CAMK1D: variants seen among roughly 807,000 people sequenced by gnomAD.
CAMK1D encodes the protein calcium/calmodulin-dependent protein kinase type 1D.
In CAMK1D, 9 loss-of-function variants were observed where a neutral mutation model predicts 47.7. The observed-to-expected ratio is 0.19, with a 90% CI of 0.11 to 0.33. The LOEUF is 0.33. Among genes scored for constraint, CAMK1D ranks in the 10% least tolerant of loss-of-function variants. CAMK1D has a pLI of 1.00. For missense variants in CAMK1D, 291 were observed against 488.7 expected, an observed-to-expected ratio of 0.60 and a Z score of 3.81; for synonymous variants, 184 against 184.9, an observed-to-expected ratio of 0.99 and a Z score of 0.04.
chr10:12,645,976 T>G (rs577919312), intron 2 of CAMK1D, among the ~76,000 whole-genome samples: 2 of 152,208 alleles, frequency 1.3e-5, no homozygotes, highest in East Asian at 3.9e-4. Context: ...AGTTGTTTTT[T>G]TTTTTTTTTT....
intron 1 of CAMK1D, among the ~76,000 whole-genome samples, chr10:12,517,899 T>G (rs1253713585): frequency 6.6e-6 from 1 of 152,230 alleles, no homozygotes; most frequent in Non-Finnish European, 1.5e-5. Flanking sequence ...ATCCTTGACT[T>G]ACAAAATGAG....
chr10:12,443,109 T>C (rs1374533543), intron 1 of CAMK1D, among the ~76,000 whole-genome samples: 1 of 152,132 alleles, frequency 6.6e-6, no homozygotes, highest in East Asian at 1.9e-4. Context: ...AGAAATATAT[T>C]TATCCATGTA....
At chr10:12,378,035 T>C (rs900856353) in intron 1 of CAMK1D, among the ~76,000 whole-genome samples, 1 of 152,218 alleles carries the variant, frequency 6.6e-6, no homozygotes, top group African/African-American at 2.4e-5. Flanking sequence ...ACCCCAGGCA[T>C]GCGGCCCAGC....
chr10:12,495,365 G>A (rs1283070860), intron 1 of CAMK1D, among the ~76,000 whole-genome samples: 2 of 152,342 alleles, frequency 1.3e-5, no homozygotes, highest in Admixed American at 1.3e-4. Context: ...AGCAATTGTA[G>A]TGAGTCTTTA....
At chr10:12,397,649 G>A (rs545729192) in intron 1 of CAMK1D, among the ~76,000 whole-genome samples, 7 of 152,290 alleles carry the variant, frequency 4.6e-5, no homozygotes, top group Non-Finnish European at 8.8e-5. Context: ...ACCAGGAAGC[G>A]CTCAGTGATG....
At position 12,610,369 on chromosome 10, in the gene CAMK1D, G is replaced by A. The variant is rs147649695; in HGVS notation, c.225-56367G>A. On this transcript the variant is annotated intron_variant, in intron 2 of 10. Transcript: ENST00000619168. ...CTGTCCTCTGCTGCATCTCAACGCC[G>A]AGATTTGTCCCTCCCCTCCTTTCTC... 8.5e-5 allele frequency among the ~76,000 whole-genome samples: 13 copies of A among 152,220 alleles called. No homozygotes were observed. In the East Asian group the frequency reaches 1.9e-3, roughly 23 times the overall value.
chr10:12,765,435 G>A (rs1186218837), intron 4 of CAMK1D, among the ~76,000 whole-genome samples: 1 of 152,162 alleles, frequency 6.6e-6, no homozygotes, highest in Non-Finnish European at 1.5e-5. Flanking sequence ...TGACCTGGCA[G>A]GATTCCTGCT....
intron 1 of CAMK1D, among the ~76,000 whole-genome samples, chr10:12,500,446 C>G (rs1834666999): frequency 6.6e-6 from 1 of 152,172 alleles, no homozygotes; most frequent in South Asian, 2.1e-4. Flanking sequence ...TTAATCTGCT[C>G]TGGTGGTGTC....
rs534722982 is a variant in CAMK1D at position 12,829,808 on chromosome 10, CCTT to C, written c.*924_*926del. The C allele has an allele frequency of 9.2e-5, 14 of 152,316 alleles. No homozygotes were observed. The East Asian group carries it at 2.1e-3, about 23-fold the overall frequency. 9.4% of individuals were successfully genotyped at this position (152,316 alleles called of 1,614,324 possible). A position where few individuals can be genotyped will look rare whatever the true frequency, so the allele number is the denominator to read the frequency against. ...GCTAAGAGTGCCCTTCACCTCTACT[CCTT>C]CTGTTTCTCTCCCCTTCCCCAGGAG... On this transcript the variant is annotated 3_prime_UTR_variant, in exon 11 of 11. Transcript: ENST00000619168.
chr10:12,823,925 C>T (rs1326252043), intron 8 of CAMK1D, among the ~76,000 whole-genome samples: 2 of 151,694 alleles, frequency 1.3e-5, no homozygotes, highest in Non-Finnish European at 2.9e-5. Context: ...TGAGAGCCCA[C>T]GGGTGTGAGT....
At chr10:12,606,009 G>T (rs1188527113) in intron 2 of CAMK1D, among the ~76,000 whole-genome samples, 2 of 152,204 alleles carry the variant, frequency 1.3e-5, no homozygotes, top group East Asian at 3.8e-4. Context: ...AAAGGTCATC[G>T]TAGGCCTGAC....
In CAMK1D at chr10:12,562,505, A is replaced by G. The variant is rs185042168; in HGVS notation, c.224+9149A>G. On this transcript the variant is annotated intron_variant, in intron 2 of 10. Transcript: ENST00000619168. ...AGTCACCCTCACTACCTTAATTCCA[A>G]AAAGTCCCCTGCTTAATAGAATCCA... Among the ~76,000 whole-genome samples the G allele has an allele frequency of 2.1e-3, 317 of 152,258 alleles. 1 individual carries two copies. Among genetic ancestry groups the G allele is most frequent in the Middle Eastern group, 0.02 (6 of 294 alleles).
At chr10:12,666,987 C>T (rs775659006) in intron 3 of CAMK1D, 177 bp downstream of exon 3, 144 of 594,430 alleles carry the variant, frequency 2.4e-4, no homozygotes, top group Non-Finnish European at 3.7e-4. Flanking sequence ...TGCACACAGG[C>T]GTCTACAGGC....
chr10:12,782,981 G>GTTT (rs869155068), intron 5 of CAMK1D, among the ~76,000 whole-genome samples: 87 of 134,902 alleles, frequency 6.4e-4, no homozygotes, highest in Middle Eastern at 4.0e-3. Flanking sequence ...AGTATTTTCA[G>GTTT]TTTTTTTTTT....
chr10:12,550,319 T>G (rs1286390462), intron 1 of CAMK1D, among the ~76,000 whole-genome samples: 1 of 152,208 alleles, frequency 6.6e-6, no homozygotes, highest in Admixed American at 6.5e-5. Context: ...TGCTTGAACC[T>G]TGGTCTTTCC....
chr10:12,579,612 C>T (rs751395489), intron 2 of CAMK1D, among the ~76,000 whole-genome samples: 6 of 152,182 alleles, frequency 3.9e-5, no homozygotes, highest in Non-Finnish European at 8.8e-5. Flanking sequence ...TTTCTCTTCT[C>T]TCCATCTACT....
At chr10:12,542,681 C>G (rs186659361) in intron 1 of CAMK1D, among the ~76,000 whole-genome samples, 1 of 152,274 alleles carries the variant, frequency 6.6e-6, no homozygotes, top group East Asian at 1.9e-4. Flanking sequence ...ACATTTTTGA[C>G]CATTTTGTGA....
At chr10:12,780,837 TTC>T (rs1341246596) in intron 5 of CAMK1D, among the ~76,000 whole-genome samples, 3 of 152,206 alleles carry the variant, frequency 2.0e-5, no homozygotes, top group Admixed American at 6.5e-5. Context: ...GATGAGAGTT[TTC>T]TCTCTTTCTC....
intron 3 of CAMK1D, among the ~76,000 whole-genome samples, chr10:12,715,402 C>A (rs1282946404): frequency 6.6e-6 from 1 of 152,190 alleles, no homozygotes; most frequent in Non-Finnish European, 1.5e-5. Context: ...TGCATTTTAT[C>A]ATTTTCCTCT....
Sources: allele counts gnomAD v4.1 joint callset (sites outside exome capture counted in the v4.1 genomes callset), GRCh38; gene constraint gnomAD v4.1.1; transcripts MANE v1.5; gene names NCBI Gene and HGNC (gene_info 2026-07-23, HGNC 2026-07-21).